Variants in B3GALT1 observed in about 807,000 individuals in gnomAD.
The protein encoded by B3GALT1 is UDP-Gal:betaGlcNAc beta 1,3-galactosyltransferase, polypeptide 1.
In B3GALT1, 10 loss-of-function variants were observed where a neutral mutation model predicts 23.2. The observed-to-expected ratio is 0.43, with a 90% CI of 0.27 to 0.73. B3GALT1 has a LOEUF of 0.73. Among genes scored for constraint, B3GALT1 ranks in the 30% least tolerant of loss-of-function variants. The probability of loss-of-function intolerance (pLI) is 0.21; values close to 1 mark genes in which losing one functional copy is unlikely to be tolerated. For missense variants in B3GALT1, 299 were observed against 405.4 expected (o/e 0.74, Z 2.25); for synonymous variants, 156 against 141.5 (o/e 1.10, Z -0.73).
chr2:167,357,889 A>C (rs1197652911), intron 1 of B3GALT1, among the ~76,000 whole-genome samples: 1 of 152,214 alleles, frequency 6.6e-6, no homozygotes, highest in Non-Finnish European at 1.5e-5. Flanking sequence ...ATTCAGGATT[A>C]ATTTTTAGCA....
rs1247953574 is a variant in B3GALT1, at chr2:167,500,292, T to G, written c.-410+10015T>G. 2.6e-5 allele frequency among the ~76,000 whole-genome samples: 4 copies of G among 152,290 alleles called. No individual in the cohort carries two copies. In the East Asian group the frequency reaches 7.7e-4, roughly 29 times the overall value. ...GGTCCCAAAAGGCAAGAAAATTTAT[T>G]TAGAAATTATTAAAATGCTAGTCAA... On this transcript the variant is annotated intron_variant, in intron 2 of 4. Coordinates refer to ENST00000392690, the MANE Select transcript of B3GALT1 (RefSeq NM_020981.4).
chr2:167,468,203 C>T (rs539075374), intron 1 of B3GALT1, among the ~76,000 whole-genome samples: 1 of 152,124 alleles, frequency 6.6e-6, no homozygotes. Context: ...TGACTCAGGT[C>T]TATGATAAAC....
chr2:167,706,403 C>T (rs941286607), intron 3 of B3GALT1, among the ~76,000 whole-genome samples: 1 of 152,182 alleles, frequency 6.6e-6, no homozygotes, highest in Non-Finnish European at 1.5e-5. Flanking sequence ...TAGGTCTGGA[C>T]TCGCTAGACT....
intron 1 of B3GALT1, among the ~76,000 whole-genome samples, chr2:167,318,832 G>A (rs1696760075): frequency 6.6e-6 from 1 of 152,008 alleles, no homozygotes; most frequent in South Asian, 2.1e-4. Context: ...GCCCAGAAAT[G>A]TCTCTCTCAC....
intron 3 of B3GALT1, among the ~76,000 whole-genome samples, chr2:167,778,889 T>C (rs1688204539): frequency 6.6e-6 from 1 of 152,200 alleles, no homozygotes; most frequent in South Asian, 2.1e-4. Context: ...AGAGCAACTG[T>C]CAGACCTCAT....
chr2:167,560,212 A>G (rs367734935), intron 2 of B3GALT1, among the ~76,000 whole-genome samples: 1 of 152,230 alleles, frequency 6.6e-6, no homozygotes, highest in South Asian at 2.1e-4. Flanking sequence ...ACTAAGCTTC[A>G]TAAGTGAAGG....
Position 167,425,915 on chromosome 2 carries a change from T to C in B3GALT1, c.-510-64262T>C, listed in dbSNP as rs149399080. ...AGTCGAACTGAAAAAAATATTGTTCTGACATCAGGCATAATATACCATTTT... is the reference window on the plus strand; with the variant it reads ...AGTCGAACTGAAAAAAATATTGTTCCGACATCAGGCATAATATACCATTTT... On this transcript the variant is annotated intron_variant, in intron 1 of 4. Transcript: ENST00000392690. Among the ~76,000 whole-genome samples the C allele has an allele frequency of 2.0e-3, 299 of 152,324 alleles. 1 individual carries two copies. Among genetic ancestry groups the C allele is most frequent in the Admixed American group, 3.6e-3 (55 of 15,306 alleles).
At chr2:167,328,748 T>C (rs1339905637) in intron 1 of B3GALT1, among the ~76,000 whole-genome samples, 4 of 152,110 alleles carry the variant, frequency 2.6e-5, no homozygotes, top group Non-Finnish European at 5.9e-5. Context: ...TTATTTTAGG[T>C]TAGGTTTTTT....
intron 2 of B3GALT1, among the ~76,000 whole-genome samples, chr2:167,533,225 C>T (rs531850977): frequency 6.6e-6 from 1 of 152,180 alleles, no homozygotes; most frequent in Admixed American, 6.5e-5. Flanking sequence ...TAGCTAGGAT[C>T]TCCAGTGTAA....
At chr2:167,765,845 A>G (rs965344912) in intron 3 of B3GALT1, among the ~76,000 whole-genome samples, 3 of 152,368 alleles carry the variant, frequency 2.0e-5, no homozygotes, top group South Asian at 2.1e-4. Context: ...TTATAACACC[A>G]TAATAAGCTT....
chr2:167,645,038 G>T (rs891677451), intron 2 of B3GALT1, among the ~76,000 whole-genome samples: 1 of 152,054 alleles, frequency 6.6e-6, no homozygotes, highest in African/African-American at 2.4e-5. Context: ...TCTGAGTACA[G>T]CACCATAGAG....
chr2:167,401,534 G>A (rs1352905132), intron 1 of B3GALT1, among the ~76,000 whole-genome samples: 1 of 152,026 alleles, frequency 6.6e-6, no homozygotes, highest in African/African-American at 2.4e-5. Flanking sequence ...TTCCCTAGCA[G>A]GCTGCCTTCT....
At chr2:167,543,037 G>A (rs1019595947) in intron 2 of B3GALT1, among the ~76,000 whole-genome samples, 2 of 152,026 alleles carry the variant, frequency 1.3e-5, no homozygotes, top group African/African-American at 2.4e-5. Flanking sequence ...GGACTGAAAA[G>A]TGATTGATTT....
rs371653475 is a variant in B3GALT1, at chr2:167,741,152, T to C, written c.-351-77520T>C. On this transcript the variant is annotated intron_variant, in intron 3 of 4. Transcript: ENST00000392690. ...GTTGTTGGCAGCCAGTTTGTATCTA[T>C]ATAGGCCAGATGACACCCCAGAATG... is the stretch of plus-strand genomic sequence containing the variant. 9.8e-5 allele frequency among the ~76,000 whole-genome samples: 15 copies of C among 152,298 alleles called. No individual in the cohort carries two copies. The East Asian group carries it at 2.9e-3, about 29-fold the overall frequency.
chr2:167,693,874 A>G (rs1471340253), intron 3 of B3GALT1, among the ~76,000 whole-genome samples: 3 of 152,090 alleles, frequency 2.0e-5, no homozygotes, highest in African/African-American at 4.8e-5. Context: ...CATAACACAG[A>G]GGCTTAACAC....
At chr2:167,855,039 T>C (rs1478986032) in intron 4 of B3GALT1, among the ~76,000 whole-genome samples, 1 of 152,166 alleles carries the variant, frequency 6.6e-6, no homozygotes, top group African/African-American at 2.4e-5. Context: ...ACCTTAATAT[T>C]GTTAAGGAAG....
intron 1 of B3GALT1, among the ~76,000 whole-genome samples, chr2:167,350,344 A>G (rs1362288696): frequency 6.6e-6 from 1 of 152,204 alleles, no homozygotes; most frequent in Non-Finnish European, 1.5e-5. Flanking sequence ...AAGGAAAGGA[A>G]CGTTTAATTT....
At chr2:167,358,401 C>T (rs1187637160) in intron 1 of B3GALT1, among the ~76,000 whole-genome samples, 1 of 152,178 alleles carries the variant, frequency 6.6e-6, no homozygotes, top group African/African-American at 2.4e-5. Context: ...GGTAAAGCAT[C>T]AGGCACATTC....
rs192199700 is a variant in B3GALT1, at chr2:167,467,271, A to G, written c.-510-22906A>G. On this transcript the variant is annotated intron_variant, in intron 1 of 4. Coordinates refer to ENST00000392690, the MANE Select transcript of B3GALT1 (RefSeq NM_020981.4). ...TGTTTAACTATAATTTATTCTCCAG[A>G]GAAAAAGTGAGAAGAAAACCCAAGT... Among the ~76,000 whole-genome samples, 13 of 152,164 alleles carry G rather than the reference A, an allele frequency of 8.5e-5. No homozygotes were observed. In the South Asian group the frequency reaches 1.9e-3, roughly 22 times the overall value.
Sources: allele counts gnomAD v4.1 joint callset (sites outside exome capture counted in the v4.1 genomes callset), GRCh38; gene constraint gnomAD v4.1.1; transcripts MANE v1.5; gene names NCBI Gene and HGNC (gene_info 2026-07-23, HGNC 2026-07-21).